The following ASIC2 variants were observed in gnomAD, a reference collection of about 807,000 sequenced individuals.
The protein encoded by ASIC2 is acid sensing ion channel subunit 2, also known as acid-sensing ion channel 2.
A neutral mutation model predicts 57.3 loss-of-function variants in ASIC2; 25 were observed. That is an observed-to-expected ratio of 0.44 (90% CI 0.32 to 0.61). The LOEUF (loss-of-function observed/expected upper bound fraction) is 0.61, where lower values mean the gene tolerates loss of function less well. ASIC2 is among the 20% of genes least tolerant of loss of function. The pLI is 0.06. For missense variants in ASIC2, 641 were observed against 738.1 expected, an observed-to-expected ratio of 0.87 and a Z score of 1.52; for synonymous variants, 319 against 307.5, an observed-to-expected ratio of 1.04 and a Z score of -0.39.
chr17:33,267,572 G>A (rs533061493), intron 1 of ASIC2, among the ~76,000 whole-genome samples: 2 of 152,260 alleles, frequency 1.3e-5, no homozygotes, highest in East Asian at 1.9e-4. Context: ...TTCTGCCTTC[G>A]GGAAACTTAC....
intron 1 of ASIC2, among the ~76,000 whole-genome samples, chr17:33,920,345 G>A (rs1915682320): frequency 1.3e-5 from 2 of 152,128 alleles, no homozygotes; most frequent in Non-Finnish European, 2.9e-5. Context: ...AGAAAATGTG[G>A]TATATATACA....
At chr17:33,673,238 C>T (rs7219800) in intron 1 of ASIC2, among the ~76,000 whole-genome samples, 7,592 of 152,088 alleles carry the variant, frequency 0.05, 497 homozygotes, top group African/African-American at 0.15. Flanking sequence ...AGTGAGGAGA[C>T]CATTTCATTT....
At chr17:33,091,800 A>G (rs2092158659) in intron 2 of ASIC2, among the ~76,000 whole-genome samples, 1 of 152,236 alleles carries the variant, frequency 6.6e-6, no homozygotes, top group African/African-American at 2.4e-5. Context: ...TCTTTAGAGC[A>G]CTGCGGACCA....
chr17:33,090,821 G>A (rs937280903), intron 2 of ASIC2, among the ~76,000 whole-genome samples: 2 of 152,158 alleles, frequency 1.3e-5, no homozygotes, highest in African/African-American at 4.8e-5. Context: ...TGGAAAGAAA[G>A]GGCTAGCAGG....
At chr17:33,645,757 T>C (rs1394106138) in intron 1 of ASIC2, among the ~76,000 whole-genome samples, 1 of 152,164 alleles carries the variant, frequency 6.6e-6, no homozygotes, top group Non-Finnish European at 1.5e-5. Flanking sequence ...TCTGTGACTA[T>C]CTTCTGCTGG....
chr17:33,724,018 T>C (rs1289479628), intron 1 of ASIC2, among the ~76,000 whole-genome samples: 1 of 152,154 alleles, frequency 6.6e-6, no homozygotes, highest in Non-Finnish European at 1.5e-5. Context: ...ACAATTCCCA[T>C]GTGTCATGGG....
intron 1 of ASIC2, among the ~76,000 whole-genome samples, chr17:33,381,359 G>C (rs538140135): frequency 6.6e-6 from 1 of 152,330 alleles, no homozygotes; most frequent in East Asian, 1.9e-4. Flanking sequence ...AACTTTCTTT[G>C]CTCAGGCGCT....
intron 1 of ASIC2, among the ~76,000 whole-genome samples, chr17:33,453,517 T>A (rs933848884): frequency 6.6e-6 from 1 of 152,134 alleles, no homozygotes; most frequent in Non-Finnish European, 1.5e-5. Flanking sequence ...GGGCAGAGTG[T>A]GTACCTGCAA....
chr17:34,037,767 G>C (rs771142823), intron 1 of ASIC2: 5 of 1,614,132 alleles, frequency 3.1e-6, no homozygotes, highest in Non-Finnish European at 4.2e-6. Context: ...TCCTCCTTTC[G>C]GTAGGCCAAG....
At chr17:33,689,588 T>A (rs763174456) in intron 1 of ASIC2, among the ~76,000 whole-genome samples, 8 of 51,198 alleles carry the variant, frequency 1.6e-4, no homozygotes, top group Non-Finnish European at 2.9e-4. Context: ...ATCTTTTCTA[T>A]AGAAATATTA....
intron 1 of ASIC2, among the ~76,000 whole-genome samples, chr17:33,898,234 T>TTTTTTTG (rs1915149344): frequency 1.9e-5 from 1 of 51,868 alleles, no homozygotes. Flanking sequence ...TTTTTTTTTT[T>TTTTTTTG]TTTTTTTTTT....
chr17:33,292,840 A>G lies in ASIC2; in HGVS notation c.-725T>C, dbSNP rs1374089306. 1.0e-6 allele frequency: 1 copy of G among 985,430 alleles called. No individual in the cohort carries two copies. Among genetic ancestry groups the G allele is most frequent in the African/African-American group, 1.7e-5 (1 of 57,320 alleles). 61.0% of individuals were successfully genotyped at this position (985,430 alleles called of 1,614,324 possible). A position where few individuals can be genotyped will look rare whatever the true frequency, so the allele number is the denominator to read the frequency against. ...GCAGAGACCTGCTTAGGCTTCCCCA[A>G]GTCCTGCGCCTAAGTCCTGCCAGGC... On this transcript the variant is annotated 5_prime_UTR_variant, in exon 1 of 10. Transcript: ENST00000225823.
chr17:33,139,570 T>C (rs2092379291), intron 1 of ASIC2, among the ~76,000 whole-genome samples: 3 of 152,208 alleles, frequency 2.0e-5, no homozygotes, highest in African/African-American at 7.2e-5. Context: ...CCAACATCTC[T>C]TATCTGGGCT....
intron 1 of ASIC2, among the ~76,000 whole-genome samples, chr17:33,649,344 CA>C (rs1687007338): frequency 6.6e-6 from 1 of 152,076 alleles, no homozygotes; most frequent in Non-Finnish European, 1.5e-5. Flanking sequence ...TAAATATGTA[CA>C]GGACTGACTT....
At chr17:34,131,890 G>A (rs969311231) in intron 1 of ASIC2, among the ~76,000 whole-genome samples, 8 of 152,124 alleles carry the variant, frequency 5.3e-5, no homozygotes, top group African/African-American at 1.9e-4. Flanking sequence ...GAATTACCTT[G>A]GGTCTAGCTT....
At chr17:34,051,584 A>G (rs981074538) in intron 1 of ASIC2, 1 of 152,196 alleles carries the variant, frequency 6.6e-6, no homozygotes, top group African/African-American at 2.4e-5. Context: ...CTGAATGGGC[A>G]TGGAGGTTCA....
intron 1 of ASIC2, among the ~76,000 whole-genome samples, chr17:33,492,838 G>C (rs998193219): frequency 6.6e-6 from 1 of 152,120 alleles, no homozygotes; most frequent in Non-Finnish European, 1.5e-5. Context: ...GTGGAATGGG[G>C]GAAAGCTGCC....
At chr17:33,356,988 T>G (rs1028461137) in intron 1 of ASIC2, among the ~76,000 whole-genome samples, 8 of 208 alleles carry the variant, frequency 0.038, no homozygotes, top group Admixed American at 0.19. Context: ...TTAGGGACCG[T>G]CTAGATCGGT....
At chr17:33,562,703 G>A (rs917200458) in intron 1 of ASIC2, among the ~76,000 whole-genome samples, 3 of 152,162 alleles carry the variant, frequency 2.0e-5, no homozygotes, top group African/African-American at 7.2e-5. Context: ...CTACAGGAAT[G>A]GGACTCTAAG....
Sources: gnomAD v4.1 joint callset for allele counts (sites outside exome capture counted in the v4.1 genomes callset) on GRCh38, gnomAD v4.1.1 for gene constraint, MANE v1.5 for transcripts, NCBI Gene and HGNC (gene_info 2026-07-23, HGNC 2026-07-21) for gene names.